The following MAOB variants were observed in gnomAD, a reference collection of about 807,000 sequenced individuals.
The protein encoded by MAOB is amine oxidase [flavin-containing] B.
Under a neutral mutation model 41.9 loss-of-function variants are expected in MAOB, and 15 were observed. The ratio of observed to expected loss-of-function variants is 0.36; its 90% CI spans 0.24 to 0.55. The LOEUF is 0.55. MAOB is among the 20% of genes least tolerant of loss of function. The pLI, the probability that MAOB is intolerant of heterozygous loss-of-function variation, is 0.86. For missense variants in MAOB, 345 were observed against 398.7 expected (o/e 0.87, Z 1.15); for synonymous variants, 167 against 144.2 (o/e 1.16, Z -1.13).
intron 8 of MAOB, among the ~76,000 whole-genome samples, chrX:43,787,190 G>A (rs3027443): frequency 0.012 from 1,319 of 111,378 alleles, 11 homozygotes; most frequent in African/African-American, 0.04. Context: ...AGAGAGAAAA[G>A]AAGCCATTGT....
rs144470791 is a variant in MAOB at position 43,770,306 on chromosome X, G to A, written c.1236-888C>T. On this transcript the variant is annotated intron_variant, in intron 12 of 14. Coordinates refer to ENST00000378069, the MANE Select transcript of MAOB (RefSeq NM_000898.5). ...TGGAACTTCCTCTGGGGTCAGCTGA[G>A]GCCTTCACTGGAACTGCACTGCAGC... Among the ~76,000 whole-genome samples, 23 of 111,363 alleles carry A rather than the reference G, an allele frequency of 2.1e-4. No homozygotes were observed. The East Asian group carries it at 5.9e-3, about 29-fold the overall frequency.
intron 3 of MAOB, among the ~76,000 whole-genome samples, chrX:43,828,558 A>C (rs968624803): frequency 9.0e-6 from 1 of 111,383 alleles, no homozygotes; most frequent in African/African-American, 3.3e-5. Flanking sequence ...AAAAATCAGC[A>C]TTAGGAAGCA....
At chrX:43,791,410 A>T (rs191963040) in intron 8 of MAOB, among the ~76,000 whole-genome samples, 58 of 111,785 alleles carry the variant, frequency 5.2e-4, no homozygotes, top group African/African-American at 1.7e-3. Context: ...ATAAGAGCAA[A>T]TATGACAAGA....
intron 1 of MAOB, among the ~76,000 whole-genome samples, chrX:43,864,703 T>C (rs991648449): frequency 3.6e-5 from 4 of 111,488 alleles, no homozygotes; most frequent in Non-Finnish European, 5.7e-5. Flanking sequence ...GCATGGTACA[T>C]GGATGCTCTA....
Position 43,786,864 on chromosome X carries a change from A to G in MAOB, c.929-5320T>C, listed in dbSNP as rs7057075. On this transcript the variant is annotated intron_variant, in intron 8 of 14. Transcript: ENST00000378069. ...AGGTGAAGGAACAAGGAGCAGAGAGAAAAGTCATGTTCATGCCAGGACAAG... is the reference window on the plus strand; with the variant it reads ...AGGTGAAGGAACAAGGAGCAGAGAGGAAAGTCATGTTCATGCCAGGACAAG... Among the ~76,000 whole-genome samples the G allele has an allele frequency of 5.0e-3, 555 of 111,356 alleles. 4 individuals are homozygous for G. Among genetic ancestry groups the G allele is most frequent in the African/African-American group, 0.016 (501 of 30,626 alleles).
intron 1 of MAOB, chrX:43,844,014 T>A: frequency 1.4e-6 from 1 of 711,719 alleles, no homozygotes; most frequent in Non-Finnish European, 1.8e-6. Context: ...TATCAAAATG[T>A]CTATTTTAAT....
rs149970297 is a variant in MAOB at position 43,779,788 on chromosome X, G to A, written c.1079+554C>T. On this transcript the variant is annotated intron_variant, in intron 10 of 14. Transcript: ENST00000378069. ...AAAGCATGCATCATAATATAATTCA[G>A]GAGCTCTTTCCTGGTAAATAGGTTA... Among the ~76,000 whole-genome samples the A allele has an allele frequency of 9.8e-5, 11 of 111,801 alleles. No homozygotes were observed. In the East Asian group the frequency reaches 3.1e-3, roughly 32 times the overall value.
At chrX:43,876,847 CGT>C (rs1013115414) in intron 1 of MAOB, among the ~76,000 whole-genome samples, 3 of 111,360 alleles carry the variant, frequency 2.7e-5, no homozygotes, top group Admixed American at 9.5e-5. Flanking sequence ...TGCATGCACG[CGT>C]GTGTGTGTGT....
At position 43,801,502 on chromosome X, in the gene MAOB, G is replaced by T. The variant is rs149162744; in HGVS notation, c.476+670C>A. On this transcript the variant is annotated intron_variant, in intron 5 of 14. Coordinates refer to ENST00000378069, the MANE Select transcript of MAOB (RefSeq NM_000898.5). The stretch of plus-strand genomic sequence containing the variant: ...ATTTTGTTTACCACAAATTTACCAC[G>T]TGCTTGAATGGGAACCCTCATAATC... Among the ~76,000 whole-genome samples the T allele has an allele frequency of 3.8e-3, 420 of 111,316 alleles. 3 individuals are homozygous for T. The highest frequency in any genetic ancestry group is 0.013 in the African/African-American group (395 of 30,631).
chrX:43,850,002 A>G (rs2035238925), intron 1 of MAOB, among the ~76,000 whole-genome samples: 1 of 112,508 alleles, frequency 8.9e-6, no homozygotes, highest in Non-Finnish European at 1.9e-5. Flanking sequence ...TTACATTTGT[A>G]CAGCATTGCA....
intron 12 of MAOB, among the ~76,000 whole-genome samples, chrX:43,770,227 C>T (rs925125485): frequency 9.0e-6 from 1 of 111,253 alleles, no homozygotes; most frequent in East Asian, 2.8e-4. Context: ...CTGTAAATAC[C>T]TGATTCCCAA....
intron 1 of MAOB, among the ~76,000 whole-genome samples, chrX:43,852,216 T>C (rs1253202271): frequency 3.6e-5 from 4 of 112,013 alleles, no homozygotes; most frequent in Admixed American, 9.5e-5. Context: ...TAAACTGAGA[T>C]TTCATTACAG....
At chrX:43,815,874 C>T (rs752101048) in intron 3 of MAOB, among the ~76,000 whole-genome samples, 1 of 112,227 alleles carries the variant, frequency 8.9e-6, no homozygotes, top group East Asian at 2.8e-4. Context: ...AGAAAATGTT[C>T]TCCAAACACA....
intron 1 of MAOB, among the ~76,000 whole-genome samples, chrX:43,870,900 T>C (rs2035402332): frequency 9.1e-6 from 1 of 110,087 alleles, no homozygotes. Context: ...TGAAACTTCA[T>C]GATTAGAACA....
chrX:43,772,801 T>A (rs2034201706), intron 12 of MAOB, among the ~76,000 whole-genome samples: 1 of 110,949 alleles, frequency 9.0e-6, no homozygotes, highest in African/African-American at 3.3e-5. Flanking sequence ...GATAGTGAGT[T>A]CTAGCAAGAT....
At chrX:43,768,626 T>C (rs1230611289) in intron 14 of MAOB, 28 bp downstream of exon 14, 4 of 1,158,484 alleles carry the variant, frequency 3.5e-6, no homozygotes, top group Admixed American at 4.4e-5. Flanking sequence ...AAAAGATATC[T>C]AATTTCATGA....
chrX:43,790,074 G>A (rs1335953422), intron 8 of MAOB, among the ~76,000 whole-genome samples: 3 of 111,487 alleles, frequency 2.7e-5, no homozygotes, highest in African/African-American at 9.8e-5. Flanking sequence ...CAAAACTCTG[G>A]TGATTACTGA....
intron 3 of MAOB, among the ~76,000 whole-genome samples, chrX:43,814,190 C>A (rs1468054758): frequency 9.0e-6 from 1 of 110,599 alleles, no homozygotes. Context: ...CTGGACTGTC[C>A]CCTTGTTCAC....
chrX:43,867,438 T>G (rs1468155455), intron 1 of MAOB, among the ~76,000 whole-genome samples: 2 of 112,423 alleles, frequency 1.8e-5, no homozygotes, highest in Non-Finnish European at 3.8e-5. Context: ...TAGAAAACAG[T>G]ATTAGTTAAA....
Sources: gnomAD v4.1 joint callset for allele counts (sites outside exome capture counted in the v4.1 genomes callset) on GRCh38, gnomAD v4.1.1 for gene constraint, MANE v1.5 for transcripts, NCBI Gene and HGNC (gene_info 2026-07-23, HGNC 2026-07-21) for gene names.